Variants in TMA7B observed in about 807,000 individuals in gnomAD.
TMA7B encodes the protein translation machinery associated 7 homolog B.
the TMA7B span, among the ~76,000 whole-genome samples, chr22:39,962,066 G>A: frequency 6.6e-6 from 1 of 152,154 alleles, no homozygotes; most frequent in South Asian, 2.1e-4. Flanking sequence ...GGCCAATATT[G>A]ATGTATCACA....
chr22:39,963,584 C>G, the TMA7B span, among the ~76,000 whole-genome samples: 1 of 152,154 alleles, frequency 6.6e-6, no homozygotes, highest in African/African-American at 2.4e-5. Context: ...TGTTGATTAC[C>G]ACCCGAAATC....
the TMA7B span, among the ~76,000 whole-genome samples, chr22:39,961,414 T>C: frequency 2.6e-5 from 4 of 152,182 alleles, no homozygotes; most frequent in Admixed American, 2.6e-4. Context: ...GGTGTCGTTT[T>C]CTGAGCCCCA....
At chr22:39,964,714 GT>G in the TMA7B span, 2 of 191,772 alleles carry the variant, frequency 1.0e-5, no homozygotes, top group Non-Finnish European at 8.8e-6. Flanking sequence ...ATAAACTTTT[GT>G]AAAAAAAAAA....
chr22:39,962,769 G>A, the TMA7B span, among the ~76,000 whole-genome samples: 2 of 151,992 alleles, frequency 1.3e-5, no homozygotes, highest in African/African-American at 2.4e-5. Flanking sequence ...AGCAATTCTC[G>A]TGCCTTGGCC....
chr22:39,964,346 C>T, the TMA7B span: 2 of 707,086 alleles, frequency 2.8e-6, no homozygotes, highest in South Asian at 1.5e-5. Context: ...CGTCCAGTGG[C>T]AGGGTCTGGG....
the TMA7B span, among the ~76,000 whole-genome samples, chr22:39,962,173 A>G: frequency 1.1e-3 from 172 of 152,354 alleles, 1 homozygote; most frequent in African/African-American, 2.9e-3. Context: ...CTCTAATCCC[A>G]GCACTTTGGG....
chr22:39,964,599 C>T, the TMA7B span: 1 of 753,368 alleles, frequency 1.3e-6, no homozygotes, highest in African/African-American at 1.7e-5. Flanking sequence ...GAGACGGTGA[C>T]CCTTTATTTC....
chr22:39,960,824 A>G, the TMA7B span: 1 of 152,320 alleles, frequency 6.6e-6, no homozygotes, highest in African/African-American at 2.4e-5. Context: ...ACCCAGGGAA[A>G]GCCGTCTATT....
At chr22:39,963,999 G>A in the TMA7B span, 1,384 of 178,610 alleles carry the variant, frequency 7.7e-3, 23 homozygotes, top group African/African-American at 0.032. Flanking sequence ...CTGGGCGACA[G>A]AGCGAGACTC....
At chr22:39,961,383 G>A in the TMA7B span, among the ~76,000 whole-genome samples, 129 of 152,288 alleles carry the variant, frequency 8.5e-4, 1 homozygote, top group African/African-American at 2.9e-3. Context: ...CCTTTGGTTC[G>A]AAGCACTCAG....
At chr22:39,964,003 G>A in the TMA7B span, 10 of 178,082 alleles carry the variant, frequency 5.6e-5, no homozygotes, top group South Asian at 3.5e-4. Flanking sequence ...GCGACAGAGC[G>A]AGACTCTGAC....
chr22:39,963,594 C>A, the TMA7B span, among the ~76,000 whole-genome samples: 1 of 152,164 alleles, frequency 6.6e-6, no homozygotes, highest in Non-Finnish European at 1.5e-5. Flanking sequence ...CACCCGAAAT[C>A]AGTCAAGCAA....
chr22:39,964,751 C>A, the TMA7B span: 1 of 484,828 alleles, frequency 2.1e-6, no homozygotes, highest in South Asian at 3.6e-5. Flanking sequence ...AGTGGCTCAT[C>A]ATCTCTTTAG....
the TMA7B span, chr22:39,960,953 C>CT: frequency 0.81 from 105,631 of 131,058 alleles, 43,052 homozygotes; most frequent in African/African-American, 0.88. Context: ...CCCAAGTCTT[C>CT]TTTTTTTTTT....
the TMA7B span, chr22:39,964,762 T>C: frequency 2.2e-6 from 1 of 461,174 alleles, no homozygotes; most frequent in Non-Finnish European, 3.8e-6. Context: ...ATCTCTTTAG[T>C]TGTTTTCACT....
chr22:39,964,286 A>G, the TMA7B span: 5 of 650,562 alleles, frequency 7.7e-6, no homozygotes, highest in East Asian at 1.4e-4. Context: ...GTGTCCCATC[A>G]CTTGTGAGTC....
At chr22:39,964,560 C>CA in the TMA7B span, 15 of 824,184 alleles carry the variant, frequency 1.8e-5, no homozygotes, top group East Asian at 3.4e-4. Flanking sequence ...AGAAATCTGG[C>CA]AAAAAATAAG....
At chr22:39,964,673 G>T in the TMA7B span, 1 of 504,440 alleles carries the variant, frequency 2.0e-6, no homozygotes. Context: ...TTGGAATTAA[G>T]TGTCGTCTTG....
At chr22:39,964,854 AC>A in the TMA7B span, 2 of 293,740 alleles carry the variant, frequency 6.8e-6, no homozygotes, top group Non-Finnish European at 1.2e-5. Flanking sequence ...TCGTTGTTCT[AC>A]CCTAAACTTT....
Sources: allele counts gnomAD v4.1 joint callset (sites outside exome capture counted in the v4.1 genomes callset), GRCh38; gene constraint gnomAD v4.1.1; transcripts MANE v1.5; gene names NCBI Gene and HGNC (gene_info 2026-07-23, HGNC 2026-07-21).